The following MYO5A variants were observed in gnomAD, a reference collection of about 807,000 sequenced individuals.
MYO5A encodes the protein myosin VA, also known as unconventional myosin-Va.
MYO5A carries 98 observed loss-of-function variants against 249.7 expected under a neutral mutation model. The ratio of observed to expected loss-of-function variants is 0.39; its 90% CI spans 0.33 to 0.46. MYO5A has a LOEUF of 0.46. Ranked by LOEUF, MYO5A falls within the 20% of genes least tolerant of loss-of-function variation. MYO5A has a pLI of 0.98. For synonymous variants in MYO5A, 778 were observed against 810.6 expected, an observed-to-expected ratio of 0.96 and a Z score of 0.68; for missense variants, 1,696 against 2,308.8, an observed-to-expected ratio of 0.73 and a Z score of 5.44.
chr15:52,381,782 T>TCTCTCTCACACA lies in MYO5A; in HGVS notation c.2012+1308_2012+1309insTGTGTGAGAGAG, dbSNP rs11280608. On this transcript the variant is annotated intron_variant, in intron 16 of 41. Transcript: ENST00000399233. ...TTTTGTGTCTCTCTCTCTCTCTCTC[T>TCTCTCTCACACA]CACACACACACACACACACACACAC... 6.0e-4 allele frequency among the ~76,000 whole-genome samples: 83 copies of TCTCTCTCACACA among 137,870 alleles called. 1 individual carries two copies. Among genetic ancestry groups the TCTCTCTCACACA allele is most frequent in the Admixed American group, 4.9e-3 (67 of 13,620 alleles). The allele number at this position is 137,870 out of a possible 152,430, so 90.4% of individuals were successfully genotyped here.
intron 1 of MYO5A, among the ~76,000 whole-genome samples, chr15:52,506,062 G>C (rs2077263764): frequency 6.6e-6 from 1 of 151,522 alleles, no homozygotes; most frequent in South Asian, 2.1e-4. Flanking sequence ...AAAAAAATAT[G>C]AAAATTAGGC....
intron 1 of MYO5A, among the ~76,000 whole-genome samples, chr15:52,461,429 G>A (rs1425864288): frequency 6.6e-6 from 1 of 152,070 alleles, no homozygotes; most frequent in African/African-American, 2.4e-5. Context: ...ACTGTAATTT[G>A]CTATCAACCA....
chr15:52,388,987 A>G (rs944479617), intron 13 of MYO5A, among the ~76,000 whole-genome samples: 4 of 152,082 alleles, frequency 2.6e-5, no homozygotes, highest in African/African-American at 7.2e-5. Context: ...GTTTAGCTAA[A>G]CGAGTTATTA....
At chr15:52,385,263 T>C (rs2041927079) in intron 14 of MYO5A, among the ~76,000 whole-genome samples, 2 of 152,228 alleles carry the variant, frequency 1.3e-5, no homozygotes, top group Non-Finnish European at 2.9e-5. Flanking sequence ...TTAACCTTAA[T>C]ACAACCTATT....
chr15:52,510,914 T>C (rs373854034), intron 1 of MYO5A, among the ~76,000 whole-genome samples: 4 of 152,366 alleles, frequency 2.6e-5, no homozygotes, highest in East Asian at 3.9e-4. Context: ...CTTTGATTTT[T>C]TGTGAACTCA....
intron 1 of MYO5A, among the ~76,000 whole-genome samples, chr15:52,486,134 A>G (rs17707996): frequency 0.15 from 22,846 of 152,194 alleles, 1,826 homozygotes; most frequent in Middle Eastern, 0.22. Flanking sequence ...TCCCTCTTAC[A>G]AGCGAGGTTC....
intron 17 of MYO5A, 23 bp from the exon 18 acceptor site, chr15:52,379,756 G>T (rs772019149): frequency 1.9e-6 from 3 of 1,613,854 alleles, no homozygotes; most frequent in East Asian, 4.5e-5. Context: ...AACCATCTGA[G>T]TTTACTTAAA....
chr15:52,425,956 A>G lies in MYO5A; in HGVS notation c.329T>C (p.Ile110Thr), dbSNP rs748560806. Residue 110 changes from isoleucine (I) to threonine (T), a missense_variant, in exon 4 of 42, where the codon ATA becomes ACA. By Grantham distance (89) the Ile-to-Thr change is moderately conservative. This residue lies in a region of MYO5A where 197 missense variants were observed against 320.3 expected (regional missense o/e 0.62). Coordinates refer to ENST00000399233, the MANE Select transcript of MYO5A (RefSeq NM_001382347.1). ...YTYCGIVLVAINPYEQLPIYG... is the reference protein window; with the variant it reads ...YTYCGIVLVATNPYEQLPIYG... ...AATAGGCAGCTGTTCATAGGGATTTATAGCTACTAGGACTATACCTGGGAA... is the reference window on the plus strand; with the variant it reads ...AATAGGCAGCTGTTCATAGGGATTTGTAGCTACTAGGACTATACCTGGGAA... 3 of 1,613,110 alleles carry G rather than the reference A, an allele frequency of 1.9e-6. No homozygotes were observed. Among genetic ancestry groups the G allele is most frequent in the Non-Finnish European group, 2.5e-6 (3 of 1,179,144 alleles).
chr15:52,506,854 A>C (rs754516247), intron 1 of MYO5A, among the ~76,000 whole-genome samples: 11 of 152,214 alleles, frequency 7.2e-5, no homozygotes, highest in Non-Finnish European at 1.2e-4. Flanking sequence ...AAAAGAATTC[A>C]GATTCTGTCT....
chr15:52,474,588 T>C (rs2076550007), intron 1 of MYO5A, among the ~76,000 whole-genome samples: 1 of 152,162 alleles, frequency 6.6e-6, no homozygotes, highest in African/African-American at 2.4e-5. Context: ...ATTGAGGGTT[T>C]TTAGCATGAA....
chr15:52,411,316 A>G (rs767783413), intron 5 of MYO5A, among the ~76,000 whole-genome samples: 3 of 152,208 alleles, frequency 2.0e-5, no homozygotes, highest in Non-Finnish European at 4.4e-5. Flanking sequence ...TTATTAGTAG[A>G]GTATTAGTAT....
intron 1 of MYO5A, among the ~76,000 whole-genome samples, chr15:52,472,933 G>T (rs1053017195): frequency 7.9e-5 from 12 of 152,184 alleles, no homozygotes; most frequent in Non-Finnish European, 1.8e-4. Flanking sequence ...GGGTCAAATG[G>T]TATTTCTAGT....
At position 52,506,032 on chromosome 15, in the gene MYO5A, G is replaced by A. The variant is rs1050687830; in HGVS notation, c.27+22748C>T. 1.7e-4 allele frequency among the ~76,000 whole-genome samples: 26 copies of A among 151,734 alleles called. 1 individual carries two copies. Among genetic ancestry groups the A allele is most frequent in the Admixed American group, 8.5e-4 (13 of 15,222 alleles). ...AGTTCGAGACCAGCCTGGCCAATATGGCAAAACCCTCTCTCTACTAAAAAA... is the reference window on the plus strand; with the variant it reads ...AGTTCGAGACCAGCCTGGCCAATATAGCAAAACCCTCTCTCTACTAAAAAA... On this transcript the variant is annotated intron_variant, in intron 1 of 41. Coordinates refer to ENST00000399233, the MANE Select transcript of MYO5A (RefSeq NM_001382347.1).
At chr15:52,358,359 A>C (rs1248329300) in intron 25 of MYO5A, among the ~76,000 whole-genome samples, 2 of 152,194 alleles carry the variant, frequency 1.3e-5, no homozygotes, top group African/African-American at 4.8e-5. Context: ...GTAATCCTAA[A>C]ACCTTCCTAT....
intron 35 of MYO5A, among the ~76,000 whole-genome samples, chr15:52,330,037 A>C (rs2038813602): frequency 6.9e-6 from 1 of 144,194 alleles, no homozygotes; most frequent in Non-Finnish European, 1.5e-5. Context: ...TTCTCTCTAG[A>C]GATTTTGATT....
chr15:52,479,207 A>C (rs552865664), intron 1 of MYO5A, among the ~76,000 whole-genome samples: 1 of 151,904 alleles, frequency 6.6e-6, no homozygotes, highest in South Asian at 2.1e-4. Flanking sequence ...CGAATGCCTG[A>C]CCTCCAGTGA....
intron 1 of MYO5A, among the ~76,000 whole-genome samples, chr15:52,442,602 C>T (rs1186243618): frequency 6.6e-6 from 1 of 152,068 alleles, no homozygotes; most frequent in Non-Finnish European, 1.5e-5. Context: ...TAATTTCATT[C>T]AAATAATCAC....
intron 2 of MYO5A, among the ~76,000 whole-genome samples, chr15:52,431,247 G>A (rs1393593473): frequency 0.028 from 312 of 10,990 alleles, 3 homozygotes; most frequent in Non-Finnish European, 0.04. Context: ...AAAAAAAAAA[G>A]TCTAGTGCAG....
intron 1 of MYO5A, among the ~76,000 whole-genome samples, chr15:52,489,486 C>T (rs2076892029): frequency 6.6e-6 from 1 of 151,900 alleles, no homozygotes; most frequent in African/African-American, 2.4e-5. Context: ...ACTGCTTGAA[C>T]CCAGGAGGCA....
Sources: allele counts gnomAD v4.1 joint callset (sites outside exome capture counted in the v4.1 genomes callset), GRCh38; gene constraint gnomAD v4.1.1; regional missense constraint gnomAD v4.1.1; transcripts MANE v1.5; gene names NCBI Gene and HGNC (gene_info 2026-07-23, HGNC 2026-07-21).